The following SPTB variants were observed in gnomAD, a reference collection of about 807,000 sequenced individuals.
SPTB encodes spectrin beta, erythrocytic.
In SPTB, 45 loss-of-function variants were observed where a neutral mutation model predicts 256.2. That is an observed-to-expected ratio of 0.18 (90% confidence interval 0.14 to 0.23). SPTB has a LOEUF of 0.23. SPTB is among the 10% of genes least tolerant of loss of function. The pLI, the probability that SPTB is intolerant of heterozygous loss-of-function variation, is 1.00. For synonymous variants in SPTB, 1,231 were observed against 1,243.1 expected (o/e 0.99, Z 0.21); for missense variants, 2,715 against 3,040.4 (o/e 0.89, Z 2.52).
At chr14:64,822,372 T>TCACACACACACACACACA (rs1355459775) in intron 2 of SPTB, among the ~76,000 whole-genome samples, 26 of 2,416 alleles carry the variant, frequency 0.011, 1 homozygote, top group East Asian at 0.065. Context: ...TCTCTCTCTC[T>TCACACACACACACACACA]CTCACACACA....
At chr14:64,869,223 G>A (rs137923528) in intron 1 of SPTB, among the ~76,000 whole-genome samples, 2,015 of 152,206 alleles carry the variant, frequency 0.013, 22 homozygotes, top group Middle Eastern at 0.041. Flanking sequence ...AAATACACAT[G>A]AAAACTCTCA....
At chr14:64,780,933 C>A (rs544710483) in intron 20 of SPTB, among the ~76,000 whole-genome samples, 58 of 152,302 alleles carry the variant, frequency 3.8e-4, no homozygotes, top group African/African-American at 1.3e-3. Flanking sequence ...CACCTACCAC[C>A]ATCTGATCTT....
chr14:64,836,137 C>T (rs1239145362), intron 1 of SPTB, among the ~76,000 whole-genome samples: 1 of 152,174 alleles, frequency 6.6e-6, no homozygotes, highest in Non-Finnish European at 1.5e-5. Context: ...AAAATCTTCC[C>T]CATAATTCTT....
chr14:64,822,368 T>TCACACACACACACACA (rs1594814472), intron 2 of SPTB, among the ~76,000 whole-genome samples: 3 of 538 alleles, frequency 5.6e-3, no homozygotes, highest in Non-Finnish European at 9.6e-3. Context: ...TCTCTCTCTC[T>TCACACACACACACACA]CTCTCTCACA....
chr14:64,863,175 C>A (rs1205166375), intron 1 of SPTB, among the ~76,000 whole-genome samples: 3 of 152,126 alleles, frequency 2.0e-5, no homozygotes, highest in Non-Finnish European at 4.4e-5. Flanking sequence ...AGATCTGGGT[C>A]CCTGGTCAAA....
At chr14:64,761,818 T>C (rs1258973851) in intron 32 of SPTB, among the ~76,000 whole-genome samples, 1 of 151,994 alleles carries the variant, frequency 6.6e-6, no homozygotes, top group African/African-American at 2.4e-5. Context: ...TTTGAAAGAT[T>C]AGAGAGAGTT....
chr14:64,796,582 C>T lies in SPTB; in HGVS notation c.1316G>A (p.Ser439Asn), dbSNP rs229587. Residue 439 changes from serine (S) to asparagine (N), a missense_variant, in exon 11 of 36, where the codon AGT becomes AAT. Physicochemically the swap from Ser to Asn is conservative, Grantham distance 46. Transcript: ENST00000644917. This position sits in a 1 kb window ranked among gnomAD's most constrained non-coding sequence, Gnocchi z 4.1. The stretch of plus-strand genomic sequence containing the variant: ...CTGGGCCACGAGGCGCTGGTTTTCA[C>T]TGAGCCAGGTCTCTCTCATTGCGGC... ...RKAAMRETWL[S>N]ENQRLVAQDN... 573,959 of 1,613,916 alleles carry T rather than the reference C, an allele frequency of 0.36. 107,460 individuals carry two copies. Among genetic ancestry groups the T allele is most frequent in the African/African-American group, 0.64 (47,918 of 74,974 alleles).
intron 2 of SPTB, among the ~76,000 whole-genome samples, chr14:64,822,743 T>C (rs1300202743): frequency 6.6e-6 from 1 of 152,188 alleles, no homozygotes; most frequent in Non-Finnish European, 1.5e-5. Flanking sequence ...CAGCACCTCC[T>C]TGCTTCTCAG....
chr14:64,801,887 A>G (rs2273475), intron 5 of SPTB, 53 bp from the exon 6 acceptor site: 145,367 of 1,541,578 alleles, frequency 0.094, 7,469 homozygotes, highest in Middle Eastern at 0.15. Flanking sequence ...TGTAGTCCCA[A>G]ACAAGTGTAC....
chr14:64,817,280 G>A (rs1447318991), intron 2 of SPTB, among the ~76,000 whole-genome samples: 1 of 152,188 alleles, frequency 6.6e-6, no homozygotes, highest in Non-Finnish European at 1.5e-5. Context: ...CTGGGGGCAG[G>A]GGGACAATCT....
rs1176693283 is a variant in SPTB at position 64,779,400 on chromosome 14, T to C, written c.4474-154A>G. ...TTTGCCCCCATTTTATAGGTTAGAA[T>C]ATTTGGGGATTTTGAACTGAGGTTC... On this transcript the variant is annotated intron_variant, in intron 21 of 35. Coordinates refer to ENST00000644917, the MANE Select transcript of SPTB (RefSeq NM_001355436.2). This position sits in a 1 kb window ranked among gnomAD's most constrained non-coding sequence, Gnocchi z 4.2. Among the ~76,000 whole-genome samples the C allele has an allele frequency of 6.6e-6, 1 of 152,172 alleles. No homozygotes were observed. The highest frequency in any genetic ancestry group is 1.5e-5 in the Non-Finnish European group (1 of 68,036).
chr14:64,753,388 G>A (rs1047420014), intron 33 of SPTB, 149 bp downstream of exon 33: 49 of 1,134,446 alleles, frequency 4.3e-5, no homozygotes, highest in Non-Finnish European at 5.4e-5. Flanking sequence ...CCTCGGGGCT[G>A]GCCCAGAGGG....
intron 1 of SPTB, among the ~76,000 whole-genome samples, chr14:64,861,497 A>G (rs2083970662): frequency 6.6e-6 from 1 of 152,184 alleles, no homozygotes; most frequent in African/African-American, 2.4e-5. Flanking sequence ...ACGTGGCTGC[A>G]CTGACCGGCT....
chr14:64,794,319 C>T, intron 13 of SPTB, 148 bp downstream of exon 13: 1 of 1,115,920 alleles, frequency 9.0e-7, no homozygotes, highest in Non-Finnish European at 1.3e-6. Context: ...TTTGGCTGGT[C>T]CCTCAAGCTT....
chr14:64,805,149 G>A, intron 2 of SPTB, 59 bp from the exon 3 acceptor site: 1 of 1,602,068 alleles, frequency 6.2e-7, no homozygotes, highest in Non-Finnish European at 8.5e-7. Context: ...AGTGTGACAT[G>A]GGGCCAAGGG....
At position 64,806,962 on chromosome 14, in the gene SPTB, T is replaced by G. The variant is rs1050032436; in HGVS notation, c.149-1872A>C. On this transcript the variant is annotated intron_variant, in intron 2 of 35. Transcript: ENST00000644917. The surrounding 1 kb of genome is among the most constrained non-coding windows in gnomAD (Gnocchi z 4.1). ...TTCAGCGAGAAAACTCCCCTTACCC[T>G]TTTGTCAACAGCAAATTAAACCACT... 6.6e-6 allele frequency among the ~76,000 whole-genome samples: 1 copy of G among 152,232 alleles called. No individual in the cohort carries two copies. Among genetic ancestry groups the G allele is most frequent in the Non-Finnish European group, 1.5e-5 (1 of 68,036 alleles).
At chr14:64,789,217 T>C (rs2082626571) in intron 15 of SPTB, among the ~76,000 whole-genome samples, 1 of 152,048 alleles carries the variant, frequency 6.6e-6, no homozygotes, top group Non-Finnish European at 1.5e-5. Context: ...CTGGGTATAG[T>C]AGTGTGCATC....
rs1434099134 is a variant in SPTB at position 64,785,119 on chromosome 14, C to T, written c.3855+418G>A. Among the ~76,000 whole-genome samples the T allele has an allele frequency of 6.6e-6, 1 of 152,128 alleles. No homozygotes were observed. The highest frequency in any genetic ancestry group is 2.1e-4 in the South Asian group (1 of 4,828). ...AGGACTGGCTCCATAATTTGCAGGG[C>T]CCAGTACAAAATGGAGTTGTTCAAA... On this transcript the variant is annotated intron_variant, in intron 18 of 35. Transcript: ENST00000644917. The surrounding 1 kb of genome is among the most constrained non-coding windows in gnomAD (Gnocchi z 4.4).
chr14:64,781,094 A>C (rs1380325031), intron 20 of SPTB, among the ~76,000 whole-genome samples: 2 of 152,242 alleles, frequency 1.3e-5, no homozygotes, highest in Non-Finnish European at 2.9e-5. Context: ...TACAGACTTC[A>C]ATGTAAAACC....
Sources: allele counts gnomAD v4.1 joint callset (sites outside exome capture counted in the v4.1 genomes callset), GRCh38; gene constraint gnomAD v4.1.1; non-coding constraint Gnocchi (gnomAD v3.1); transcripts MANE v1.5; gene names NCBI Gene and HGNC (gene_info 2026-07-23, HGNC 2026-07-21).